Variants in KIAA1549L observed in about 807,000 individuals in gnomAD.
KIAA1549L encodes the protein UPF0606 protein KIAA1549L.
A neutral mutation model predicts 160.7 loss-of-function variants in KIAA1549L; 88 were observed. The observed-to-expected ratio is 0.55, with a 90% CI of 0.46 to 0.65. The LOEUF is 0.65. Among genes scored for constraint, KIAA1549L ranks in the 30% least tolerant of loss-of-function variants. KIAA1549L has a pLI of 0.00. For synonymous variants in KIAA1549L, 950 were observed against 976.7 expected, an observed-to-expected ratio of 0.97 and a Z score of 0.51; for missense variants, 2,258 against 2,437.5, an observed-to-expected ratio of 0.93 and a Z score of 1.55.
chr11:33,581,370 CTGTT>C (rs1199928696), intron 10 of KIAA1549L, among the ~76,000 whole-genome samples: 3 of 151,140 alleles, frequency 2.0e-5, no homozygotes, highest in Non-Finnish European at 2.9e-5. Context: ...ATTATTTGGA[CTGTT>C]TGACTTCATT....
intron 1 of KIAA1549L, among the ~76,000 whole-genome samples, chr11:33,498,312 G>A (rs1306601927): frequency 3.9e-5 from 6 of 152,076 alleles, no homozygotes; most frequent in Non-Finnish European, 8.8e-5. Flanking sequence ...GAACCCGATG[G>A]CTGCACTGAG....
intron 1 of KIAA1549L, among the ~76,000 whole-genome samples, chr11:33,513,701 G>A (rs539964728): frequency 2.0e-5 from 3 of 152,278 alleles, no homozygotes; most frequent in South Asian, 2.1e-4. Flanking sequence ...ACAATCTGAC[G>A]GCTGTGAGGC....
At chr11:33,435,810 A>ATC in intron 1 of KIAA1549L, among the ~76,000 whole-genome samples, 1 of 27,202 alleles carries the variant, frequency 3.7e-5, no homozygotes, top group African/African-American at 1.5e-4. Context: ...ATATATATAT[A>ATC]TGTGTGTGTA....
At chr11:33,667,261 ATTCCTAAGGTTTTTCAGCAAAATATATC>A (rs766117587) in intron 20 of KIAA1549L, among the ~76,000 whole-genome samples, 6,703 of 152,276 alleles carry the variant, frequency 0.044, 174 homozygotes, top group Middle Eastern at 0.051. Flanking sequence ...TCAGATATAT[ATTCCTAAGGTTTTTCAGCAAAATATATC>A]TTCCTAAGGT....
At chr11:33,441,953 T>C (rs1043658147) in intron 1 of KIAA1549L, among the ~76,000 whole-genome samples, 2 of 152,054 alleles carry the variant, frequency 1.3e-5, no homozygotes, top group African/African-American at 4.8e-5. Flanking sequence ...TTTTGGCTTT[T>C]GTTGCCATTG....
At chr11:33,438,539 C>T (rs909895539) in intron 1 of KIAA1549L, among the ~76,000 whole-genome samples, 1 of 152,192 alleles carries the variant, frequency 6.6e-6, no homozygotes, top group Non-Finnish European at 1.5e-5. Context: ...AATACTGGGC[C>T]AGTGGTCATG....
At chr11:33,442,994 A>G (rs1851539996) in intron 1 of KIAA1549L, among the ~76,000 whole-genome samples, 1 of 152,172 alleles carries the variant, frequency 6.6e-6, no homozygotes, top group Non-Finnish European at 1.5e-5. Context: ...TTTATATTTC[A>G]GAAATTCTTT....
In KIAA1549L at chr11:33,422,305, T is replaced by C. The variant is rs548468397; in HGVS notation, c.238+45416T>C. ...GATAAAACAACCACTGCCCTGTGTATTCCTTCCCCAATACATTGTATTCTT... is the reference window on the plus strand; with the variant it reads ...GATAAAACAACCACTGCCCTGTGTACTCCTTCCCCAATACATTGTATTCTT... On this transcript the variant is annotated intron_variant, in intron 1 of 20. Transcript: ENST00000658780. Among the ~76,000 whole-genome samples, 8 of 152,266 alleles carry C rather than the reference T, an allele frequency of 5.3e-5. No homozygotes were observed. In the South Asian group the frequency reaches 1.5e-3, roughly 28 times the overall value.
intron 1 of KIAA1549L, among the ~76,000 whole-genome samples, chr11:33,525,707 G>A (rs1348932360): frequency 1.8e-4 from 27 of 152,192 alleles, no homozygotes; most frequent in Non-Finnish European, 1.5e-5. Context: ...TGGTGGAGAG[G>A]CTTGTTGTCT....
intron 17 of KIAA1549L, among the ~76,000 whole-genome samples, chr11:33,654,766 G>A (rs1323341173): frequency 6.6e-6 from 1 of 152,212 alleles, no homozygotes; most frequent in African/African-American, 2.4e-5. Flanking sequence ...GAGGTGTGGG[G>A]TAGGGGAATA....
chr11:33,419,679 C>T (rs1850960284), intron 1 of KIAA1549L, among the ~76,000 whole-genome samples: 1 of 151,922 alleles, frequency 6.6e-6, no homozygotes, highest in South Asian at 2.1e-4. Context: ...AACCCCATCT[C>T]CACTAAAAAA....
At chr11:33,444,345 G>A (rs949591105) in intron 1 of KIAA1549L, among the ~76,000 whole-genome samples, 2 of 152,172 alleles carry the variant, frequency 1.3e-5, no homozygotes, top group South Asian at 2.1e-4. Context: ...AAAGAATAGA[G>A]ATAGATATGC....
intron 13 of KIAA1549L, among the ~76,000 whole-genome samples, chr11:33,602,128 A>G (rs543396804): frequency 6.6e-6 from 1 of 152,230 alleles, no homozygotes; most frequent in Non-Finnish European, 1.5e-5. Flanking sequence ...AACCCTTTAA[A>G]GTATGCCCCC....
At chr11:33,446,593 G>T (rs1225999228) in intron 1 of KIAA1549L, among the ~76,000 whole-genome samples, 1 of 152,108 alleles carries the variant, frequency 6.6e-6, no homozygotes, top group Admixed American at 6.6e-5. Context: ...TCTGCTCAGG[G>T]TCTGTCATGA....
intron 8 of KIAA1549L, among the ~76,000 whole-genome samples, chr11:33,566,505 G>A (rs950503543): frequency 2.0e-5 from 3 of 152,204 alleles, no homozygotes; most frequent in Non-Finnish European, 4.4e-5. Flanking sequence ...TGAATTTGCA[G>A]GAATTAGGCT....
At chr11:33,435,818 G>GTGTGTGTGTGTGTGTGTGTATA (rs1554976830) in intron 1 of KIAA1549L, among the ~76,000 whole-genome samples, 1 of 45,308 alleles carries the variant, frequency 2.2e-5, no homozygotes, top group African/African-American at 8.5e-5. Flanking sequence ...ATATGTGTGT[G>GTGTGTGTGTGTGTGTGTGTATA]TATATATATA....
intron 4 of KIAA1549L, among the ~76,000 whole-genome samples, chr11:33,550,617 A>G (rs1282976202): frequency 2.0e-5 from 3 of 152,172 alleles, no homozygotes; most frequent in Non-Finnish European, 4.4e-5. Context: ...GGTGCCCCCA[A>G]GGTTCCCCCA....
At chr11:33,524,070 A>G (rs890970842) in intron 1 of KIAA1549L, among the ~76,000 whole-genome samples, 1 of 152,156 alleles carries the variant, frequency 6.6e-6, no homozygotes, top group African/African-American at 2.4e-5. Context: ...TTACCTATTT[A>G]AAAAAATAAG....
chr11:33,596,281 C>T (rs1850197552), intron 12 of KIAA1549L, among the ~76,000 whole-genome samples: 1 of 152,162 alleles, frequency 6.6e-6, no homozygotes, highest in African/African-American at 2.4e-5. Context: ...GAAGTTTTGA[C>T]TTGATGACTC....
Sources: gnomAD v4.1 joint callset for allele counts (sites outside exome capture counted in the v4.1 genomes callset) on GRCh38, gnomAD v4.1.1 for gene constraint, MANE v1.5 for transcripts, NCBI Gene and HGNC (gene_info 2026-07-23, HGNC 2026-07-21) for gene names.